SMG7: variants seen among roughly 807,000 people sequenced by gnomAD.
SMG7 encodes the protein SMG7 nonsense mediated mRNA decay factor, also known as nonsense-mediated mRNA decay factor SMG7.
SMG7 carries 34 observed loss-of-function variants against 148.2 expected under a neutral mutation model. The ratio of observed to expected loss-of-function variants is 0.23; its 90% confidence interval spans 0.17 to 0.31. The LOEUF is 0.31. Among genes scored for constraint, SMG7 ranks in the 10% least tolerant of loss-of-function variants. The probability of loss-of-function intolerance (pLI) is 1.00; values close to 1 mark genes in which losing one functional copy is unlikely to be tolerated. For missense variants in SMG7, 1,114 were observed against 1,408.4 expected, an observed-to-expected ratio of 0.79 and a Z score of 3.35; for synonymous variants, 492 against 515.1, an observed-to-expected ratio of 0.96 and a Z score of 0.61.
intron 1 of SMG7, among the ~76,000 whole-genome samples, chr1:183,483,811 C>T (rs1203872782): frequency 6.6e-6 from 1 of 152,060 alleles, no homozygotes; most frequent in Non-Finnish European, 1.5e-5. Context: ...GCATACTGGC[C>T]ATAAATTCTG....
chr1:183,496,428 C>T (rs536665541), intron 1 of SMG7, among the ~76,000 whole-genome samples: 1 of 152,264 alleles, frequency 6.6e-6, no homozygotes, highest in African/African-American at 2.4e-5. Context: ...ACCTTTACAT[C>T]TCTCTGTAGC....
intron 5 of SMG7, 109 bp downstream of exon 5, chr1:183,526,876 T>C: frequency 1.2e-6 from 1 of 851,596 alleles, no homozygotes; most frequent in Admixed American, 3.0e-5. Context: ...CAATTTAGAT[T>C]GTCATAAGAA....
intron 1 of SMG7, among the ~76,000 whole-genome samples, chr1:183,509,495 G>T (rs916679819): frequency 1.3e-5 from 2 of 152,062 alleles, no homozygotes; most frequent in Non-Finnish European, 2.9e-5. Flanking sequence ...TTACATCTCG[G>T]AGCTTCAGTT....
chr1:183,543,212 G>T (rs1669253059), intron 14 of SMG7, among the ~76,000 whole-genome samples: 1 of 151,980 alleles, frequency 6.6e-6, no homozygotes, highest in Non-Finnish European at 1.5e-5. Context: ...ATTCTGTGAT[G>T]GTTTTATTAA....
Position 183,512,830 on chromosome 1 carries a change from T to TTTTTAAAAAAA in SMG7, c.30-7_30-6insTTTTAAAAAAA. On this transcript the variant is annotated splice_region_variant and splice_polypyrimidine_tract_variant and intron_variant, in intron 1 of 22. Coordinates refer to ENST00000688051, the MANE Select transcript of SMG7 (RefSeq NM_001375584.1). ...ACTCTTTTTTTTTTTTTTTTTTTTC[T>TTTTTAAAAAAA]ATCTAGGCAGGCAGAAGTCCTGAAG... 1 of 1,537,444 alleles carries TTTTTAAAAAAA rather than the reference T, an allele frequency of 6.5e-7. No individual in the cohort carries two copies. Among genetic ancestry groups the TTTTTAAAAAAA allele is most frequent in the Non-Finnish European group, 8.8e-7 (1 of 1,136,602 alleles).
In SMG7 at chr1:183,517,499, G is replaced by A. The variant is rs75471054; in HGVS notation, c.180-189G>A. On this transcript the variant is annotated intron_variant, in intron 3 of 22. Transcript: ENST00000688051. ...GGTAAGTGTTTACTAAGGTCAGTTG[G>A]ATTCTACTGCATGTCTAGTCTTGTT... 76 of 627,628 alleles carry A rather than the reference G, an allele frequency of 1.2e-4. 1 individual carries two copies. The highest frequency in any genetic ancestry group is 1.2e-3 in the African/African-American group (65 of 54,830). 38.9% of individuals were successfully genotyped at this position (627,628 alleles called of 1,614,324 possible). A position where few individuals can be genotyped will look rare whatever the true frequency, so the allele number is the denominator to read the frequency against.
intron 14 of SMG7, among the ~76,000 whole-genome samples, chr1:183,542,925 A>ATGTGTGTGTGTG (rs761811792): frequency 4.2e-5 from 6 of 141,648 alleles, no homozygotes; most frequent in South Asian, 2.2e-4. Context: ...TAATATATAT[A>ATGTGTGTGTGTG]TATGTGTGTG....
chr1:183,530,818 T>G (rs1161311657), intron 8 of SMG7, among the ~76,000 whole-genome samples: 1 of 152,094 alleles, frequency 6.6e-6, no homozygotes, highest in African/African-American at 2.4e-5. Flanking sequence ...TTCTTGAGAT[T>G]GCTTCCAGCT....
chr1:183,492,331 T>C (rs2102219413), intron 1 of SMG7, among the ~76,000 whole-genome samples: 1 of 152,370 alleles, frequency 6.6e-6, no homozygotes, highest in African/African-American at 2.4e-5. Context: ...ATATATTGGC[T>C]ATACATGTAA....
At chr1:183,546,432 C>G (rs1388573151) in intron 17 of SMG7, 95 bp downstream of exon 17, 1 of 1,338,342 alleles carries the variant, frequency 7.5e-7, no homozygotes, top group Non-Finnish European at 1.0e-6. Flanking sequence ...AAAGGCCACT[C>G]TTATTCGTTA....
chr1:183,472,981 C>G (rs1361171500), intron 1 of SMG7: 1 of 347,346 alleles, frequency 2.9e-6, no homozygotes, highest in African/African-American at 2.1e-5. Flanking sequence ...GGCGGCGACC[C>G]CGAGTGGAGG....
At chr1:183,542,927 A>ATGTGTG (rs3979479) in intron 14 of SMG7, among the ~76,000 whole-genome samples, 35 of 85,154 alleles carry the variant, frequency 4.1e-4, no homozygotes, top group African/African-American at 9.3e-4. Flanking sequence ...ATATATATAT[A>ATGTGTG]TGTGTGTGTG....
chr1:183,539,575 TC>T (rs1668427490), intron 12 of SMG7, among the ~76,000 whole-genome samples: 2 of 152,182 alleles, frequency 1.3e-5, no homozygotes, highest in Admixed American at 1.3e-4. Context: ...CAATCTGACC[TC>T]CCTTACGCAT....
In SMG7 at chr1:183,541,074, A is replaced by C; in HGVS notation, c.1386A>C (p.Ile462=). Residue 462 remains isoleucine, a synonymous_variant, in exon 13 of 23, where the codon ATA becomes ATC. Coordinates refer to ENST00000688051, the MANE Select transcript of SMG7 (RefSeq NM_001375584.1). ...TACGACAGCAACGCTTGATCTCTAT[A>C]GGCAAATGGATTGCTGATAATCAGC... The part of the protein sequence containing the change: ...RRIRQQRLIS[I]GKWIADNQPR... The C allele has an allele frequency of 1.2e-6, 2 of 1,613,638 alleles. No individual in the cohort carries two copies. The highest frequency in any genetic ancestry group is 1.7e-6 in the Non-Finnish European group (2 of 1,179,544).
At chr1:183,513,086 T>G in intron 2 of SMG7, 1 of 448,946 alleles carries the variant, frequency 2.2e-6, no homozygotes, top group Non-Finnish European at 3.9e-6. Flanking sequence ...TATGGTATAC[T>G]GAATTGAATG....
intron 1 of SMG7, among the ~76,000 whole-genome samples, chr1:183,474,490 G>A (rs1651619712): frequency 6.6e-6 from 1 of 152,228 alleles, no homozygotes; most frequent in African/African-American, 2.4e-5. Flanking sequence ...CTTGAACCCG[G>A]GAGGCAGAGG....
At position 183,472,551 on chromosome 1, in the gene SMG7, CG is replaced by C; in HGVS notation, c.-66del. 2.2e-6 allele frequency: 3 copies of C among 1,341,420 alleles called. No individual in the cohort carries two copies. Among genetic ancestry groups the C allele is most frequent in the African/African-American group, 1.5e-5 (1 of 65,386 alleles). The allele number at this position is 1,341,420 out of a possible 1,614,324, so 83.1% of individuals were successfully genotyped here. On this transcript the variant is annotated 5_prime_UTR_variant, in exon 1 of 23. The change abolishes the stop of an existing upstream ORF in the 5' untranslated region. Coordinates refer to ENST00000688051, the MANE Select transcript of SMG7 (RefSeq NM_001375584.1). ...GCGGCCGCCAGCACCCGCGGTGCCG[CG>C]GGGCCGCTCCGAGGAGCCTGAGAGA...
chr1:183,544,848 C>T (rs1368616851), intron 15 of SMG7, 82 bp from the exon 16 acceptor site: 9 of 1,409,250 alleles, frequency 6.4e-6, no homozygotes, highest in Non-Finnish European at 8.8e-6. Flanking sequence ...CTCCCTCTAC[C>T]TACCTGTTAA....
Position 183,552,658 on chromosome 1 carries a change from A to T in SMG7, c.*727A>T. On this transcript the variant is annotated 3_prime_UTR_variant, in exon 23 of 23. Transcript: ENST00000688051. ...TCACTCTGTAGGTGCTCGAGCCCCA[A>T]TCGAGGATACAGTGTGGGTGGTGGT... The T allele has an allele frequency of 5.4e-6, 6 of 1,118,998 alleles. No homozygotes were observed. Among genetic ancestry groups the T allele is most frequent in the Non-Finnish European group, 6.6e-6 (6 of 910,876 alleles). 69.3% of individuals were successfully genotyped at this position (1,118,998 alleles called of 1,614,324 possible). A position where few individuals can be genotyped will look rare whatever the true frequency, so the allele number is the denominator to read the frequency against.
Sources: gnomAD v4.1 joint callset for allele counts (sites outside exome capture counted in the v4.1 genomes callset) on GRCh38, gnomAD v4.1.1 for gene constraint, MANE v1.5 for transcripts, NCBI Gene and HGNC (gene_info 2026-07-23, HGNC 2026-07-21) for gene names.